Variants in TMPRSS9 observed in about 807,000 individuals in gnomAD.
TMPRSS9 encodes the protein transmembrane protease serine 9.
Under a neutral mutation model 111.4 loss-of-function variants are expected in TMPRSS9, and 113 were observed. That is an observed-to-expected ratio of 1.01 (90% CI 0.87 to 1.19). TMPRSS9 has a LOEUF of 1.19. Among genes scored for constraint, TMPRSS9 ranks in the 50% most tolerant of loss-of-function variants. TMPRSS9 has a pLI of 0.00. For synonymous variants in TMPRSS9, 805 were observed against 659.1 expected (o/e 1.22, Z -3.39); for missense variants, 1,803 against 1,513.1 (o/e 1.19, Z -3.18).
At chr19:2,403,360 C>T (rs1302450725) in intron 6 of TMPRSS9, among the ~76,000 whole-genome samples, 165 bp downstream of exon 7, 1 of 152,038 alleles carries the variant, frequency 6.6e-6, no homozygotes, top group Non-Finnish European at 1.5e-5. Flanking sequence ...TGGGGAGAAA[C>T]ATGAGCAAAC....
chr19:2,401,711 G>T (rs1970852035), intron 4 of TMPRSS9, among the ~76,000 whole-genome samples: 1 of 151,582 alleles, frequency 6.6e-6, no homozygotes, highest in South Asian at 2.1e-4. Context: ...GGGTTCAAGC[G>T]ATTGTCCTGC....
intron 14 of TMPRSS9, among the ~76,000 whole-genome samples, chr19:2,423,127 G>A (rs935966634): frequency 6.6e-6 from 1 of 151,792 alleles, no homozygotes; most frequent in Non-Finnish European, 1.5e-5. Flanking sequence ...CCTTGGGTGC[G>A]TGTTTCTTGC....
intron 6 of TMPRSS9, among the ~76,000 whole-genome samples, chr19:2,404,729 G>C (rs973669948): frequency 6.6e-6 from 1 of 151,932 alleles, no homozygotes; most frequent in Non-Finnish European, 1.5e-5. Flanking sequence ...TCAGGAGTTC[G>C]AGACCAGCCT....
intron 7 of TMPRSS9, 44 bp from the exon 9 acceptor site, chr19:2,408,312 G>A: frequency 6.3e-7 from 1 of 1,595,666 alleles, no homozygotes; most frequent in Non-Finnish European, 8.6e-7. Flanking sequence ...TCCCCCGACG[G>A]CTCTGACCCT....
chr19:2,402,966 G>GGA, intron 5 of TMPRSS9, 116 bp from the exon 7 acceptor site: 1 of 748,534 alleles, frequency 1.3e-6, no homozygotes, highest in African/African-American at 1.8e-5. Context: ...GGAAAGAAAA[G>GGA]GAGAGAGAGA....
chr19:2,373,053 C>A (rs150447337), intron 1 of TMPRSS9, among the ~76,000 whole-genome samples: 4,918 of 151,942 alleles, frequency 0.032, 289 homozygotes, highest in African/African-American at 0.11. Context: ...AGGCTGGTCT[C>A]AACCCCTGGC....
intron 1 of TMPRSS9, among the ~76,000 whole-genome samples, chr19:2,394,970 A>G (rs1034052098): frequency 1.3e-5 from 2 of 152,186 alleles, no homozygotes; most frequent in African/African-American, 4.8e-5. Flanking sequence ...TGGACACAAC[A>G]CAGCCAACAG....
chr19:2,398,761 G>A, intron 2 of TMPRSS9, 34 bp from the exon 4 acceptor site: 5 of 1,374,562 alleles, frequency 3.6e-6, no homozygotes, highest in Non-Finnish European at 4.8e-6. Flanking sequence ...CATGCTGTGG[G>A]TCTCAACATT....
At chr19:2,424,531 G>T (rs2145424400) in intron 15 of TMPRSS9, among the ~76,000 whole-genome samples, 1 of 136,520 alleles carries the variant, frequency 7.3e-6, no homozygotes, top group African/African-American at 3.0e-5. Flanking sequence ...CCCGGAAGCT[G>T]CGGCCCCCCC....
upstream of TMPRSS9, chr19:2,389,660 G>A (rs529391864): frequency 3.4e-5 from 41 of 1,194,480 alleles, no homozygotes; most frequent in South Asian, 7.9e-5. Flanking sequence ...GAGCCACCGC[G>A]CCCCGCCGTT....
intron 12 of TMPRSS9, 66 bp from the exon 14 acceptor site, chr19:2,417,936 G>C: frequency 1.9e-6 from 3 of 1,591,464 alleles, no homozygotes; most frequent in South Asian, 1.1e-5. Flanking sequence ...GGCTGTTATC[G>C]GAGCGGAACT....
At chr19:2,422,278 G>A in intron 14 of TMPRSS9, 31 bp downstream of exon 15, 3 of 1,491,744 alleles carry the variant, frequency 2.0e-6, no homozygotes, top group East Asian at 2.3e-5. Context: ...ATCCCTGGGA[G>A]TGGAGGGTCC....
In TMPRSS9 at chr19:2,424,997, C is replaced by T. The variant is rs1396260164; in HGVS notation, c.2718-5C>T. The stretch of plus-strand genomic sequence containing the variant: ...GGCCGACGCCTGTCCTCGCGCGCCC[C>T]GCAGCTACGGGGACCCCAAGCAGTG... On this transcript the variant is annotated splice_region_variant and splice_polypyrimidine_tract_variant and intron_variant, in intron 15 of 17. Coordinates refer to ENST00000648592, the Ensembl canonical transcript of TMPRSS9. 6.6e-7 allele frequency: 1 copy of T among 1,517,412 alleles called. No homozygotes were observed. Among genetic ancestry groups the T allele is most frequent in the South Asian group, 1.2e-5 (1 of 82,718 alleles). The allele number at this position is 1,517,412 out of a possible 1,614,324, so 94.0% of individuals were successfully genotyped here. A position where few individuals can be genotyped will look rare whatever the true frequency, so the allele number is the denominator to read the frequency against.
At chr19:2,425,441 G>A in exon 17 of TMPRSS9, 4 of 1,591,552 alleles carry the variant, frequency 2.5e-6, no homozygotes, top group Non-Finnish European at 3.4e-6. Context: ...GTGCAGATCA[G>A]CAGCCGCATG....
At chr19:2,394,607 T>G (rs992244214) in intron 1 of TMPRSS9, among the ~76,000 whole-genome samples, 11 of 152,202 alleles carry the variant, frequency 7.2e-5, no homozygotes, top group Admixed American at 3.9e-4. Context: ...TTCTTTAGTT[T>G]CTTGAACGAG....
chr19:2,378,489 G>A (rs1042671402), intron 1 of TMPRSS9, among the ~76,000 whole-genome samples: 1 of 151,666 alleles, frequency 6.6e-6, no homozygotes, highest in East Asian at 2.0e-4. Context: ...GGAGGCCAAG[G>A]TGAGTGGATC....
intron 7 of TMPRSS9, among the ~76,000 whole-genome samples, chr19:2,406,483 T>C (rs944794029): frequency 3.5e-5 from 5 of 140,942 alleles, no homozygotes; most frequent in Admixed American, 3.5e-4. Flanking sequence ...CACGCCACCA[T>C]GCCTGGCTAA....
chr19:2,367,737 G>A (rs1204749570), intron 1 of TMPRSS9, among the ~76,000 whole-genome samples: 3 of 150,104 alleles, frequency 2.0e-5, no homozygotes, highest in African/African-American at 7.4e-5. Flanking sequence ...CTAATTTTTT[G>A]TATTTTTAGT....
intron 1 of TMPRSS9, among the ~76,000 whole-genome samples, chr19:2,390,616 G>A (rs1248288671): frequency 6.6e-6 from 1 of 151,562 alleles, no homozygotes; most frequent in African/African-American, 2.4e-5. Flanking sequence ...AGCACTTTGG[G>A]AGGCTGAGGC....
Sources: allele counts gnomAD v4.1 joint callset (sites outside exome capture counted in the v4.1 genomes callset), GRCh38; gene constraint gnomAD v4.1.1; transcripts MANE v1.5; gene names NCBI Gene and HGNC (gene_info 2026-07-23, HGNC 2026-07-21).